Variants in SHANK2 observed in about 807,000 individuals in gnomAD.
SHANK2 encodes SH3 and multiple ankyrin repeat domains 2, also known as SH3 and multiple ankyrin repeat domains protein 2.
Under a neutral mutation model 133.7 loss-of-function variants are expected in SHANK2, and 43 were observed. That is an observed-to-expected ratio of 0.32 (90% CI 0.25 to 0.41). The LOEUF (loss-of-function observed/expected upper bound fraction) is 0.41, where lower values mean the gene tolerates loss of function less well. Ranked by LOEUF, SHANK2 falls within the 10% of genes least tolerant of loss-of-function variation. The pLI is 1.00. For missense variants in SHANK2, 1,994 were observed against 2,235.8 expected, an observed-to-expected ratio of 0.89 and a Z score of 2.18; for synonymous variants, 1,017 against 952.8, an observed-to-expected ratio of 1.07 and a Z score of -1.24.
intron 2 of SHANK2, among the ~76,000 whole-genome samples, chr11:71,222,041 G>A (rs1013592042): frequency 2.0e-5 from 3 of 152,064 alleles, no homozygotes; most frequent in Admixed American, 6.5e-5. Flanking sequence ...GGCCGGGTTG[G>A]TGATTCTGGC....
At chr11:70,474,123 G>A (rs1386259770) in intron 25 of SHANK2, 2 of 169,452 alleles carry the variant, frequency 1.2e-5, no homozygotes, top group African/African-American at 4.7e-5. Flanking sequence ...TGTGTGGCCA[G>A]TGTGGGCTGC....
chr11:70,524,356 G>A (rs1279497418), intron 17 of SHANK2, among the ~76,000 whole-genome samples: 3 of 152,208 alleles, frequency 2.0e-5, no homozygotes, highest in Non-Finnish European at 4.4e-5. Context: ...CCTGGAGAAA[G>A]GTATGGACTA....
At chr11:71,088,025 C>A (rs1308956952) in intron 8 of SHANK2, among the ~76,000 whole-genome samples, 1 of 152,150 alleles carries the variant, frequency 6.6e-6, no homozygotes, top group African/African-American at 2.4e-5. Context: ...CTTCCTTGGG[C>A]GCTCCTGTCT....
intron 3 of SHANK2, among the ~76,000 whole-genome samples, chr11:71,131,208 C>G (rs1952298758): frequency 6.6e-6 from 1 of 152,228 alleles, no homozygotes; most frequent in African/African-American, 2.4e-5. Flanking sequence ...TGAAATAATA[C>G]TTCTTACTGC....
chr11:70,713,196 A>AG (rs1273522658), intron 14 of SHANK2, among the ~76,000 whole-genome samples: 2 of 152,216 alleles, frequency 1.3e-5, no homozygotes, highest in African/African-American at 4.8e-5. Flanking sequence ...CTCCAAATCC[A>AG]GGGGCCAAGG....
intron 9 of SHANK2, among the ~76,000 whole-genome samples, chr11:71,062,561 T>C (rs1187719657): frequency 1.3e-5 from 2 of 152,130 alleles, no homozygotes; most frequent in Non-Finnish European, 2.9e-5. Flanking sequence ...CCTAGAAGAA[T>C]CACCCAGCAC....
At chr11:70,718,718 T>G (rs1946009133) in intron 14 of SHANK2, among the ~76,000 whole-genome samples, 1 of 151,514 alleles carries the variant, frequency 6.6e-6, no homozygotes, top group South Asian at 2.1e-4. Flanking sequence ...TTTTTTGAAT[T>G]GCTGGCCTGA....
At chr11:70,701,464 C>T (rs373239101) in intron 14 of SHANK2, among the ~76,000 whole-genome samples, 1 of 152,082 alleles carries the variant, frequency 6.6e-6, no homozygotes, top group Non-Finnish European at 1.5e-5. Context: ...TGCAGTGGTG[C>T]GATCTCAGCT....
intron 17 of SHANK2, chr11:70,603,820 C>T (rs1301302075): frequency 1.3e-5 from 2 of 152,702 alleles, no homozygotes; most frequent in African/African-American, 2.4e-5. Context: ...CAGGATCCAT[C>T]CCCTGCCCAG....
At chr11:71,097,058 G>A (rs1329566694) in intron 6 of SHANK2, among the ~76,000 whole-genome samples, 3 of 152,192 alleles carry the variant, frequency 2.0e-5, no homozygotes, top group Admixed American at 6.5e-5. Flanking sequence ...CGTGCAGGAT[G>A]GGGAGCTATG....
At chr11:70,511,041 G>A (rs767897756) in intron 17 of SHANK2, among the ~76,000 whole-genome samples, 3 of 152,238 alleles carry the variant, frequency 2.0e-5, no homozygotes, top group Non-Finnish European at 2.9e-5. Context: ...CAAGGACAAA[G>A]CTGTGCGTCG....
At chr11:70,750,290 T>G (rs547342800) in intron 14 of SHANK2, among the ~76,000 whole-genome samples, 23 of 152,204 alleles carry the variant, frequency 1.5e-4, no homozygotes, top group African/African-American at 4.8e-4. Context: ...AGGTTCAGAG[T>G]GCATGGGAGA....
chr11:70,884,413 C>T (rs1227902831), intron 11 of SHANK2, among the ~76,000 whole-genome samples: 2 of 152,220 alleles, frequency 1.3e-5, no homozygotes, highest in Non-Finnish European at 2.9e-5. Context: ...TAATACTCCC[C>T]GAATTTTCCA....
intron 17 of SHANK2, among the ~76,000 whole-genome samples, chr11:70,607,739 C>G (rs557672217): frequency 6.6e-6 from 1 of 152,248 alleles, no homozygotes; most frequent in South Asian, 2.1e-4. Flanking sequence ...TGTGAGCAGG[C>G]AGTGGCCAGC....
At position 70,948,809 on chromosome 11, in the gene SHANK2, G is replaced by A. The variant is rs138399514; in HGVS notation, c.1108-52242C>T. Among the ~76,000 whole-genome samples the A allele has an allele frequency of 4.4e-3, 676 of 152,252 alleles. 1 individual carries two copies. Among genetic ancestry groups the A allele is most frequent in the Admixed American group, 7.7e-3 (118 of 15,296 alleles). On this transcript the variant is annotated intron_variant, in intron 10 of 25. Coordinates refer to ENST00000601538, the MANE Select transcript of SHANK2 (RefSeq NM_012309.5). ...GTTTCCTAATTTTTCAAGAGAAGCT[G>A]GAAAGCTGAATTTTTTAATGAAATT...
chr11:70,539,259 G>A (rs927101130), intron 17 of SHANK2, among the ~76,000 whole-genome samples: 3 of 152,208 alleles, frequency 2.0e-5, no homozygotes, highest in Non-Finnish European at 2.9e-5. Flanking sequence ...TGTGCCACAC[G>A]CGGGCCTGGC....
intron 14 of SHANK2, among the ~76,000 whole-genome samples, chr11:70,775,235 A>G (rs546341756): frequency 2.0e-4 from 31 of 152,284 alleles, no homozygotes; most frequent in African/African-American, 7.5e-4. Context: ...AGGCAGGCGG[A>G]TCACAAGGTC....
intron 14 of SHANK2, among the ~76,000 whole-genome samples, chr11:70,779,815 C>CATCTT (rs1947443195): frequency 6.6e-6 from 1 of 152,130 alleles, no homozygotes; most frequent in Non-Finnish European, 1.5e-5. Flanking sequence ...GGTTCCAGCA[C>CATCTT]CCCAACTGTC....
intron 10 of SHANK2, chr11:70,950,082 A>C (rs1467726290): frequency 2.2e-6 from 1 of 456,512 alleles, no homozygotes. Flanking sequence ...TTGGAGATGG[A>C]GTTTCGCCCT....
Sources: allele counts gnomAD v4.1 joint callset (sites outside exome capture counted in the v4.1 genomes callset), GRCh38; gene constraint gnomAD v4.1.1; transcripts MANE v1.5; gene names NCBI Gene and HGNC (gene_info 2026-07-23, HGNC 2026-07-21).